ZNF569: variants seen among roughly 807,000 people sequenced by gnomAD.
The protein encoded by ZNF569 is DNA-binding protein.
Under a neutral mutation model 56.3 loss-of-function variants are expected in ZNF569, and 38 were observed. The ratio of observed to expected loss-of-function variants is 0.68; its 90% CI spans 0.52 to 0.88. The LOEUF (loss-of-function observed/expected upper bound fraction) is 0.88, where lower values mean the gene tolerates loss of function less well. ZNF569 is among the 40% of genes least tolerant of loss of function. ZNF569 has a pLI of 0.00. For missense variants in ZNF569, 666 were observed against 809.2 expected, an observed-to-expected ratio of 0.82 and a Z score of 2.15; for synonymous variants, 241 against 262.9, an observed-to-expected ratio of 0.92 and a Z score of 0.81.
chr19:37,425,076 G>A (rs773906414), intron 5 of ZNF569, among the ~76,000 whole-genome samples: 24 of 151,904 alleles, frequency 1.6e-4, no homozygotes, highest in African/African-American at 4.6e-4. Flanking sequence ...CCGAGATCGC[G>A]CCACTGTACT....
intron 3 of ZNF569, among the ~76,000 whole-genome samples, chr19:37,440,213 A>T (rs1456716695): frequency 6.6e-6 from 1 of 152,162 alleles, no homozygotes; most frequent in Non-Finnish European, 1.5e-5. Flanking sequence ...ACTAAAAATT[A>T]AAAAAACTAA....
At chr19:37,445,044 C>A in intron 2 of ZNF569, 80 bp from the exon 3 acceptor site, 2 of 1,072,466 alleles carry the variant, frequency 1.9e-6, no homozygotes, top group South Asian at 3.0e-5. Context: ...GATTAAAGGT[C>A]ACCCTGTAGT....
chr19:37,453,528 TG>T (rs1293392959), intron 2 of ZNF569, among the ~76,000 whole-genome samples: 1 of 152,192 alleles, frequency 6.6e-6, no homozygotes, highest in Non-Finnish European at 1.5e-5. Context: ...GATTCTCCCT[TG>T]TCTTCTTGCT....
chr19:37,412,616 T>C lies in ZNF569; in HGVS notation c.2042A>G (p.Gln681Arg), dbSNP rs577701455. Residue 681 changes from glutamine (Q) to arginine (R), a missense_variant, in exon 6 of 6, where the codon CAG becomes CGG. Transcript: ENST00000316950. ...FSQKSHLVRH[Q>R]RIHTH ...GGGTTTCTAATGAGTATGAATTCTC[T>C]GGTGTCTAACAAGGTGCGACTTTTG... 2 of 1,603,050 alleles carry C rather than the reference T, an allele frequency of 1.2e-6. No homozygotes were observed. The highest frequency in any genetic ancestry group is 1.7e-5 in the Admixed American group (1 of 57,540).
chr19:37,434,864 C>T (rs946375556), intron 3 of ZNF569, among the ~76,000 whole-genome samples: 4 of 152,222 alleles, frequency 2.6e-5, no homozygotes, highest in African/African-American at 9.6e-5. Flanking sequence ...AACTCCACCA[C>T]CTATCCCAAA....
At chr19:37,468,043 A>T, upstream of ZNF569, 1 of 958,748 alleles carries the variant, frequency 1.0e-6, no homozygotes, top group Non-Finnish European at 1.6e-6. Flanking sequence ...ATCTCAGACT[A>T]GGTACTTAAC....
chr19:37,468,333 C>T (rs1021596085), upstream of ZNF569, among the ~76,000 whole-genome samples: 2 of 152,166 alleles, frequency 1.3e-5, no homozygotes, highest in South Asian at 2.1e-4. Context: ...AAGCGATCCT[C>T]CCGCCTGGGC....
intron 3 of ZNF569, among the ~76,000 whole-genome samples, chr19:37,436,358 A>AT (rs1370170583): frequency 3.3e-5 from 5 of 152,050 alleles, no homozygotes; most frequent in African/African-American, 9.6e-5. Context: ...AGGAAAGTTT[A>AT]TAGCTATAAG....
At chr19:37,424,861 C>T (rs1261065293) in intron 5 of ZNF569, among the ~76,000 whole-genome samples, 1 of 148,606 alleles carries the variant, frequency 6.7e-6, no homozygotes, top group African/African-American at 2.5e-5. Flanking sequence ...TGGCTCATGC[C>T]TGTAATCCCA....
chr19:37,431,889 A>AT (rs2041231210), intron 3 of ZNF569, among the ~76,000 whole-genome samples: 1 of 152,192 alleles, frequency 6.6e-6, no homozygotes, highest in Admixed American at 6.5e-5. Context: ...GGCGGTAGCC[A>AT]GGCCATACTT....
At chr19:37,427,145 C>T (rs527701382) in intron 3 of ZNF569, among the ~76,000 whole-genome samples, 21 of 151,696 alleles carry the variant, frequency 1.4e-4, no homozygotes, top group African/African-American at 2.4e-5. Context: ...GTGGCGAAAC[C>T]GTCTGTACAA....
At chr19:37,456,839 G>A (rs568328648) in intron 2 of ZNF569, among the ~76,000 whole-genome samples, 1 of 151,832 alleles carries the variant, frequency 6.6e-6, no homozygotes, top group East Asian at 1.9e-4. Context: ...ATGGTGGCAG[G>A]CGCCTGTAAT....
intron 2 of ZNF569, among the ~76,000 whole-genome samples, chr19:37,453,688 T>C (rs2041629914): frequency 6.6e-6 from 1 of 151,252 alleles, no homozygotes; most frequent in Admixed American, 6.6e-5. Context: ...TTTTAAAATT[T>C]TGTTTTGGTA....
intron 5 of ZNF569, among the ~76,000 whole-genome samples, chr19:37,422,163 A>C (rs1392841421): frequency 1.3e-5 from 2 of 152,342 alleles, no homozygotes; most frequent in Non-Finnish European, 1.5e-5. Flanking sequence ...ACTAAGCTTA[A>C]TCATTCCTAG....
chr19:37,445,528 T>C (rs1054923136), intron 2 of ZNF569, among the ~76,000 whole-genome samples: 1 of 152,164 alleles, frequency 6.6e-6, no homozygotes, highest in African/African-American at 2.4e-5. Flanking sequence ...GCTGATGACA[T>C]GATTGTATAC....
chr19:37,459,752 A>G (rs2041727922), intron 2 of ZNF569, among the ~76,000 whole-genome samples: 1 of 152,224 alleles, frequency 6.6e-6, no homozygotes, highest in South Asian at 2.1e-4. Context: ...TTAGGTGATT[A>G]CAGCACACGG....
chr19:37,426,637 G>A (rs2041137937), intron 3 of ZNF569, among the ~76,000 whole-genome samples: 2 of 152,164 alleles, frequency 1.3e-5, no homozygotes, highest in African/African-American at 2.4e-5. Context: ...ACCAAGTTAA[G>A]TGGTTTGAGA....
Position 37,417,876 on chromosome 19 carries a change from T to C in ZNF569, c.239-3457A>G, listed in dbSNP as rs1395124940. 2.0e-5 allele frequency among the ~76,000 whole-genome samples: 3 copies of C among 152,038 alleles called. No homozygotes were observed. In the East Asian group the frequency reaches 5.8e-4, roughly 29 times the overall value. On this transcript the variant is annotated intron_variant, in intron 5 of 5. Transcript: ENST00000316950. ...TGTAATCCCAGCAGGTTGAGGCATG[T>C]GGATCATGAAGTCAGGAGTTAAGAG...
intron 2 of ZNF569, among the ~76,000 whole-genome samples, chr19:37,456,561 G>A (rs867797935): frequency 1.1e-4 from 17 of 152,098 alleles, no homozygotes; most frequent in African/African-American, 3.9e-4. Flanking sequence ...TTTAGACAGG[G>A]AGTTGAAGCT....
Sources: allele counts gnomAD v4.1 joint callset (sites outside exome capture counted in the v4.1 genomes callset), GRCh38; gene constraint gnomAD v4.1.1; transcripts MANE v1.5; gene names NCBI Gene and HGNC (gene_info 2026-07-23, HGNC 2026-07-21).